Variants in NTNG1 observed in about 807,000 individuals in gnomAD.
The protein encoded by NTNG1 is netrin G1.
NTNG1 carries 16 observed loss-of-function variants against 54.0 expected under a neutral mutation model. The ratio of observed to expected loss-of-function variants is 0.30; its 90% CI spans 0.20 to 0.45. The LOEUF is 0.45. Ranked by LOEUF, NTNG1 falls within the 20% of genes least tolerant of loss-of-function variation. The probability of loss-of-function intolerance (pLI) is 1.00; values close to 1 mark genes in which losing one functional copy is unlikely to be tolerated. For missense variants in NTNG1, 530 were observed against 678.7 expected (o/e 0.78, Z 2.43); for synonymous variants, 255 against 263.1 (o/e 0.97, Z 0.30).
chr1:107,430,414 C>A (rs1028910447), intron 5 of NTNG1, among the ~76,000 whole-genome samples: 48 of 152,078 alleles, frequency 3.2e-4, no homozygotes, highest in Non-Finnish European at 5.4e-4. Flanking sequence ...TCTCCATCTG[C>A]AAAAAATAAA....
intron 7 of NTNG1, among the ~76,000 whole-genome samples, chr1:107,442,028 A>C (rs1570970201): frequency 6.6e-6 from 1 of 152,166 alleles, no homozygotes; most frequent in African/African-American, 2.4e-5. Context: ...TAGAGGATAC[A>C]TTGTTCAGAG....
intron 2 of NTNG1, among the ~76,000 whole-genome samples, chr1:107,225,736 G>A (rs1351598688): frequency 6.6e-6 from 1 of 152,148 alleles, no homozygotes; most frequent in African/African-American, 2.4e-5. Flanking sequence ...TTATCCCTAG[G>A]AAGTTCTCAT....
chr1:107,273,184 G>A (rs1223358247), intron 2 of NTNG1, among the ~76,000 whole-genome samples: 1 of 152,134 alleles, frequency 6.6e-6, no homozygotes, highest in African/African-American at 2.4e-5. Flanking sequence ...ATCAAGGTAG[G>A]GGGGTCCTGA....
intron 7 of NTNG1, among the ~76,000 whole-genome samples, chr1:107,466,978 T>C (rs1677646917): frequency 6.6e-6 from 1 of 152,204 alleles, no homozygotes; most frequent in African/African-American, 2.4e-5. Context: ...TCTTAACCAA[T>C]GAAGAAAGGA....
intron 5 of NTNG1, chr1:107,407,952 T>G (rs1341531555): frequency 1.4e-6 from 1 of 700,864 alleles, no homozygotes; most frequent in East Asian, 2.8e-5. Flanking sequence ...TCTTAACCAG[T>G]GAGGGCTACC....
intron 7 of NTNG1, among the ~76,000 whole-genome samples, chr1:107,457,194 T>C (rs200588698): frequency 1.3e-5 from 2 of 152,190 alleles, no homozygotes; most frequent in Non-Finnish European, 2.9e-5. Flanking sequence ...TGGAGAGAAA[T>C]AAAAGCCAGT....
chr1:107,351,299 A>G (rs1669583695), intron 3 of NTNG1, among the ~76,000 whole-genome samples: 1 of 152,196 alleles, frequency 6.6e-6, no homozygotes, highest in South Asian at 2.1e-4. Flanking sequence ...TCACTGCTAT[A>G]AAGAAATACC....
At chr1:107,321,520 C>T (rs569423702) in intron 2 of NTNG1, among the ~76,000 whole-genome samples, 1 of 152,022 alleles carries the variant, frequency 6.6e-6, no homozygotes, top group East Asian at 1.9e-4. Flanking sequence ...GCTGTTTGGC[C>T]TCCTCATGTT....
intron 2 of NTNG1, among the ~76,000 whole-genome samples, chr1:107,255,914 T>C (rs1411450867): frequency 6.6e-6 from 1 of 152,224 alleles, no homozygotes; most frequent in Non-Finnish European, 1.5e-5. Flanking sequence ...CTTATAGTTA[T>C]TATTATACTT....
intron 7 of NTNG1, among the ~76,000 whole-genome samples, chr1:107,474,992 C>T (rs1246087946): frequency 1.3e-5 from 2 of 152,154 alleles, no homozygotes; most frequent in African/African-American, 2.4e-5. Flanking sequence ...CCATTTTCAG[C>T]CTAGACATTG....
chr1:107,278,599 T>G (rs1664638408), intron 2 of NTNG1, among the ~76,000 whole-genome samples: 2 of 152,184 alleles, frequency 1.3e-5, no homozygotes, highest in Admixed American at 6.5e-5. Context: ...TTTTCTGTTT[T>G]TGTTCTTATG....
At chr1:107,446,888 C>T (rs993521880) in intron 7 of NTNG1, among the ~76,000 whole-genome samples, 3 of 152,072 alleles carry the variant, frequency 2.0e-5, no homozygotes, top group African/African-American at 7.2e-5. Flanking sequence ...ACTGTATGCT[C>T]ATGGAAATTT....
intron 3 of NTNG1, among the ~76,000 whole-genome samples, chr1:107,388,997 G>T (rs565651790): frequency 6.6e-6 from 1 of 152,342 alleles, no homozygotes; most frequent in Non-Finnish European, 1.5e-5. Flanking sequence ...GCAAGCAGAG[G>T]ATGATCCACA....
chr1:107,325,036 G>A (rs1449186564), intron 3 of NTNG1, 114 bp downstream of exon 3: 1 of 1,075,604 alleles, frequency 9.3e-7, no homozygotes, highest in East Asian at 2.4e-5. Context: ...GTTTTCTTCA[G>A]GAACTCCACT....
chr1:107,418,470 AG>A, intron 5 of NTNG1: 1 of 635,022 alleles, frequency 1.6e-6, no homozygotes, highest in African/African-American at 1.8e-5. Context: ...ATCACAGCCA[AG>A]TTAAAGAGCA....
chr1:107,329,342 C>G (rs1668142295), intron 3 of NTNG1, among the ~76,000 whole-genome samples: 1 of 152,080 alleles, frequency 6.6e-6, no homozygotes. Context: ...TCTCAGGAGT[C>G]CAGCTTCTAT....
At chr1:107,276,333 C>T (rs1664471573) in intron 2 of NTNG1, among the ~76,000 whole-genome samples, 1 of 152,098 alleles carries the variant, frequency 6.6e-6, no homozygotes. Context: ...TTCAGGTCTA[C>T]CATGCTCCCA....
intron 2 of NTNG1, among the ~76,000 whole-genome samples, chr1:107,230,012 T>C (rs1011985254): frequency 3.9e-4 from 59 of 152,264 alleles, no homozygotes; most frequent in African/African-American, 1.3e-3. Flanking sequence ...TTTTGGCTTA[T>C]TTGTAAAGAT....
intron 3 of NTNG1, among the ~76,000 whole-genome samples, chr1:107,383,136 A>T (rs938346235): frequency 6.6e-6 from 1 of 152,206 alleles, no homozygotes; most frequent in Non-Finnish European, 1.5e-5. Context: ...ATCAGAGTGT[A>T]ATATAACCAT....
Sources: gnomAD v4.1 joint callset for allele counts (sites outside exome capture counted in the v4.1 genomes callset) on GRCh38, gnomAD v4.1.1 for gene constraint, MANE v1.5 for transcripts, NCBI Gene and HGNC (gene_info 2026-07-23, HGNC 2026-07-21) for gene names.